Variants in RPA3 observed in about 807,000 individuals in gnomAD.
RPA3 encodes replication protein A3.
RPA3 carries 24 observed loss-of-function variants against 13.7 expected under a neutral mutation model. The observed-to-expected ratio is 1.75, with a 90% confidence interval of 1.27 to 2.46. The LOEUF (loss-of-function observed/expected upper bound fraction) is 2.46. Among genes scored for constraint, RPA3 ranks in the 30% most tolerant of loss-of-function variants. The pLI is 0.00. For missense variants in RPA3, 183 were observed against 151.0 expected (o/e 1.21, Z -1.11); for synonymous variants, 59 against 51.2 (o/e 1.15, Z -0.65).
intron 4 of RPA3, among the ~76,000 whole-genome samples, chr7:7,649,315 T>C (rs988890654): frequency 1.3e-5 from 2 of 151,936 alleles, no homozygotes; most frequent in African/African-American, 4.8e-5. Context: ...ATGAGAGAAA[T>C]GTAAGGGAAG....
chr7:7,684,587 A>G (rs1563120297), intron 4 of RPA3, among the ~76,000 whole-genome samples: 1 of 152,118 alleles, frequency 6.6e-6, no homozygotes, highest in African/African-American at 2.4e-5. Context: ...ATGGATACGG[A>G]GGGCTGACAG....
intron 4 of RPA3, among the ~76,000 whole-genome samples, chr7:7,662,708 C>T (rs578141158): frequency 3.9e-5 from 6 of 152,244 alleles, no homozygotes; most frequent in East Asian, 3.9e-4. Flanking sequence ...AGAAATCTCC[C>T]GCCTTCTGTG....
intron 4 of RPA3, among the ~76,000 whole-genome samples, chr7:7,642,186 G>A (rs966135784): frequency 2.6e-5 from 4 of 152,128 alleles, no homozygotes; most frequent in African/African-American, 9.7e-5. Flanking sequence ...CCAGACTGGA[G>A]TGCAGTAGCA....
chr7:7,656,400 G>A (rs939336721), intron 4 of RPA3, among the ~76,000 whole-genome samples: 1 of 152,050 alleles, frequency 6.6e-6, no homozygotes, highest in Non-Finnish European at 1.5e-5. Flanking sequence ...ACGTGCCATG[G>A]TGGTTTGCTG....
At chr7:7,695,583 A>G (rs1222407544) in intron 2 of RPA3, among the ~76,000 whole-genome samples, 1 of 152,176 alleles carries the variant, frequency 6.6e-6, no homozygotes, top group Non-Finnish European at 1.5e-5. Flanking sequence ...CTTTGGCACT[A>G]GCAGCCGTAA....
intron 4 of RPA3, among the ~76,000 whole-genome samples, chr7:7,674,057 G>A (rs1476537650): frequency 6.6e-6 from 1 of 152,160 alleles, no homozygotes; most frequent in Non-Finnish European, 1.5e-5. Context: ...CTGAGGAAAA[G>A]TTTTGCACAA....
chr7:7,649,611 T>C (rs1785177156), intron 4 of RPA3, among the ~76,000 whole-genome samples: 1 of 152,216 alleles, frequency 6.6e-6, no homozygotes, highest in African/African-American at 2.4e-5. Flanking sequence ...TGCATTGATT[T>C]TTTTGTTACT....
At chr7:7,650,279 A>G (rs1244205033) in intron 4 of RPA3, among the ~76,000 whole-genome samples, 1 of 152,102 alleles carries the variant, frequency 6.6e-6, no homozygotes, top group Non-Finnish European at 1.5e-5. Context: ...CCATATATTT[A>G]TCATTTTCTT....
At chr7:7,702,955 T>C in intron 2 of RPA3, among the ~76,000 whole-genome samples, 1 of 152,234 alleles carries the variant, frequency 6.6e-6, no homozygotes, top group East Asian at 1.9e-4. Context: ...CATTCTCCAG[T>C]CCTGTTGTCG....
chr7:7,650,060 G>C (rs1487074200), intron 4 of RPA3, among the ~76,000 whole-genome samples: 1 of 152,212 alleles, frequency 6.6e-6, no homozygotes, highest in African/African-American at 2.4e-5. Context: ...AGCATGGACA[G>C]ATTAAGAAGC....
chr7:7,693,063 C>G (rs1158440145), intron 2 of RPA3, among the ~76,000 whole-genome samples: 1 of 152,102 alleles, frequency 6.6e-6, no homozygotes, highest in East Asian at 1.9e-4. Context: ...CTTATATCTA[C>G]TTCATTATTC....
intron 2 of RPA3, among the ~76,000 whole-genome samples, chr7:7,688,344 G>A (rs4140802): frequency 0.56 from 85,396 of 151,942 alleles, 24,362 homozygotes; most frequent in East Asian, 0.8. Context: ...CTAGTTTGGC[G>A]TCAGAAAGTA....
At chr7:7,638,095 C>T (rs1032286981) in intron 6 of RPA3, 123 bp from the exon 7 acceptor site, 5 of 602,694 alleles carry the variant, frequency 8.3e-6, no homozygotes, top group Middle Eastern at 5.3e-4. Flanking sequence ...TTAAGAATTA[C>T]CAGTGTAAAA....
intron 2 of RPA3, among the ~76,000 whole-genome samples, chr7:7,704,216 G>C (rs1023243196): frequency 1.4e-4 from 21 of 152,016 alleles, no homozygotes; most frequent in African/African-American, 4.8e-4. Flanking sequence ...AAAATTATAA[G>C]GCTACTCTTT....
intron 4 of RPA3, among the ~76,000 whole-genome samples, chr7:7,665,153 C>A (rs1388480452): frequency 2.0e-5 from 3 of 152,060 alleles, no homozygotes; most frequent in African/African-American, 7.2e-5. Flanking sequence ...AGGAGATAAT[C>A]AAATTGAGAA....
chr7:7,689,634 T>C (rs571808823), intron 2 of RPA3, among the ~76,000 whole-genome samples: 15 of 152,206 alleles, frequency 9.9e-5, no homozygotes, highest in Non-Finnish European at 1.8e-4. Flanking sequence ...CATGGAAATG[T>C]ATTTATATGT....
intron 4 of RPA3, among the ~76,000 whole-genome samples, chr7:7,653,104 A>G (rs1183785560): frequency 1.3e-5 from 2 of 152,146 alleles, no homozygotes; most frequent in African/African-American, 2.4e-5. Flanking sequence ...TTATGTGGAG[A>G]GATGCTTTTT....
chr7:7,678,162 A>C (rs1367396216), intron 4 of RPA3, among the ~76,000 whole-genome samples: 1 of 151,826 alleles, frequency 6.6e-6, no homozygotes, highest in Non-Finnish European at 1.5e-5. Flanking sequence ...AGGAATCTCC[A>C]TACTGGTCTT....
intron 2 of RPA3, among the ~76,000 whole-genome samples, chr7:7,708,637 C>T (rs559890413): frequency 6.6e-6 from 1 of 152,270 alleles, no homozygotes; most frequent in South Asian, 2.1e-4. Flanking sequence ...GAAGCAAATT[C>T]CATTAAAGTA....
Sources: gnomAD v4.1 joint callset for allele counts (sites outside exome capture counted in the v4.1 genomes callset) on GRCh38, gnomAD v4.1.1 for gene constraint, MANE v1.5 for transcripts, NCBI Gene and HGNC (gene_info 2026-07-23, HGNC 2026-07-21) for gene names.